Variants in RYR3 observed in about 807,000 individuals in gnomAD.
RYR3 encodes ryanodine receptor 3, also known as brain ryanodine receptor-calcium release channel.
In RYR3, 207 loss-of-function variants were observed where a neutral mutation model predicts 584.3. The ratio of observed to expected loss-of-function variants is 0.35; its 90% confidence interval spans 0.32 to 0.40. The LOEUF is 0.40. Ranked by LOEUF, RYR3 falls within the 10% of genes least tolerant of loss-of-function variation. The probability of loss-of-function intolerance (pLI) is 1.00; values close to 1 mark genes in which losing one functional copy is unlikely to be tolerated. For synonymous variants in RYR3, 2,416 were observed against 2,248.5 expected, an observed-to-expected ratio of 1.07 and a Z score of -2.11; for missense variants, 5,616 against 6,089.2, an observed-to-expected ratio of 0.92 and a Z score of 2.59.
At chr15:33,689,697 A>G (rs2065278432) in intron 38 of RYR3, among the ~76,000 whole-genome samples, 1 of 152,198 alleles carries the variant, frequency 6.6e-6, no homozygotes, top group Non-Finnish European at 1.5e-5. Flanking sequence ...GAAAAGAGGG[A>G]GATCTTATTG....
At position 33,425,679 on chromosome 15, in the gene RYR3, T is replaced by C. The variant is rs2044564262; in HGVS notation, c.52-47740T>C. Among the ~76,000 whole-genome samples, 4 of 142,884 alleles carry C rather than the reference T, an allele frequency of 2.8e-5. 1 individual carries two copies. The Admixed American group carries it at 2.8e-4, about 10-fold the overall frequency. 93.7% of individuals were successfully genotyped at this position (142,884 alleles called of 152,430 possible). ...TTTTTTGAGATGGAGTCTCGCTCTG[T>C]GGCCCAGGCTGGAGTGAATTGCCGT... On this transcript the variant is annotated intron_variant, in intron 1 of 103. Coordinates refer to ENST00000634891, the MANE Select transcript of RYR3 (RefSeq NM_001036.6).
intron 1 of RYR3, among the ~76,000 whole-genome samples, chr15:33,391,625 CAAAA>C (rs5811755): frequency 1.6e-5 from 2 of 128,336 alleles, no homozygotes; most frequent in Middle Eastern, 4.1e-3. Context: ...GACTCTGTCT[CAAAA>C]AAAAAAAAAA....
chr15:33,730,687 A>G (rs372422581), intron 47 of RYR3, among the ~76,000 whole-genome samples: 2 of 152,344 alleles, frequency 1.3e-5, no homozygotes, highest in Middle Eastern at 3.4e-3. Flanking sequence ...CGAAAGTTCT[A>G]TAGTTTTCAA....
intron 67 of RYR3, among the ~76,000 whole-genome samples, chr15:33,795,498 G>A (rs182916830): frequency 9.6e-5 from 14 of 146,386 alleles, no homozygotes; most frequent in Non-Finnish European, 1.9e-4. Flanking sequence ...GGGTTCAAGC[G>A]ATTCTCCTGC....
At chr15:33,528,385 A>C (rs1025541826) in intron 3 of RYR3, among the ~76,000 whole-genome samples, 1 of 152,124 alleles carries the variant, frequency 6.6e-6, no homozygotes, top group Admixed American at 6.5e-5. Context: ...CTTTGCCCAC[A>C]TGTGCTCCTC....
At chr15:33,314,847 G>A (rs1368135434) in intron 1 of RYR3, among the ~76,000 whole-genome samples, 1 of 152,120 alleles carries the variant, frequency 6.6e-6, no homozygotes, top group Non-Finnish European at 1.5e-5. Context: ...CCGGGAGGCG[G>A]AGCCTGCAGT....
At chr15:33,722,960 A>G in intron 44 of RYR3, 65 bp downstream of exon 44, 5 of 1,387,734 alleles carry the variant, frequency 3.6e-6, no homozygotes, top group Non-Finnish European at 4.9e-6. Context: ...TTATTGGTAT[A>G]CGGATGATTT....
chr15:33,749,619 C>T lies in RYR3; in HGVS notation c.8200-360C>T, dbSNP rs1043386479. Among the ~76,000 whole-genome samples, 7 of 152,088 alleles carry T rather than the reference C, an allele frequency of 4.6e-5. No homozygotes were observed. In the East Asian group the frequency reaches 5.8e-4, roughly 13 times the overall value. ...CGGGGGTTCTAGACTTTTCTTGGCC[C>T]GCACTCCCAACTCCCCGTCTGAGGT... On this transcript the variant is annotated intron_variant, in intron 55 of 103. Transcript: ENST00000634891.
intron 86 of RYR3, among the ~76,000 whole-genome samples, chr15:33,833,055 G>T (rs1385376644): frequency 6.6e-6 from 1 of 151,346 alleles, no homozygotes; most frequent in African/African-American, 2.4e-5. Context: ...ATAGGACCAC[G>T]TAGGCTATGG....
rs149087486 is a variant in RYR3 at position 33,400,189 on chromosome 15, G to A, written c.52-73230G>A. Among the ~76,000 whole-genome samples, 972 of 152,250 alleles carry A rather than the reference G, an allele frequency of 6.4e-3. 9 individuals carry two copies. Among genetic ancestry groups the A allele is most frequent in the African/African-American group, 0.02 (837 of 41,524 alleles). ...CCTTATATTTGTCAGAGTCAAGCAC[G>A]TTAATTCATATCCTAACACTATGGT... On this transcript the variant is annotated intron_variant, in intron 1 of 103. Transcript: ENST00000634891.
rs372145293 is a variant in RYR3 at position 33,756,405 on chromosome 15, T to G, written c.8583+32T>G. The G allele has an allele frequency of 1.4e-5, 20 of 1,463,658 alleles. No homozygotes were observed. The African/African-American group carries it at 1.4e-4, about 10-fold the overall frequency. 90.7% of individuals were successfully genotyped at this position (1,463,658 alleles called of 1,614,324 possible). A position where few individuals can be genotyped will look rare whatever the true frequency, so the allele number is the denominator to read the frequency against. ...GGCCCTGCACTTAATCAAATTACTT[T>G]CTTCTTAGGATCTCTACTATTTAGG... On this transcript the variant is annotated intron_variant, in intron 59 of 103. Transcript: ENST00000634891.
Position 33,699,758 on chromosome 15 carries a change from C to T in RYR3, c.6304C>T (p.Arg2102Ter). Residue 2102 changes from arginine to a stop codon, truncating the protein, a stop_gained, in exon 41 of 104, where the codon CGA becomes TGA. Transcript: ENST00000634891. LOFTEE classifies it high-confidence loss of function. Reference sequence around the variant, plus strand: ...CTGCCGTTTCCTTTGCTATTTCTGTCGAATTAGCCGGCAAAATCAGAAGGC... The same window carrying T: ...CTGCCGTTTCCTTTGCTATTTCTGTTGAATTAGCCGGCAAAATCAGAAGGC... Reference protein sequence around the residue: ...SCCRFLCYFCRISRQNQKAMF... With the variant: ...SCCRFLCYFC 1.2e-6 allele frequency: 2 copies of T among 1,613,580 alleles called. No individual in the cohort carries two copies. Among genetic ancestry groups the T allele is most frequent in the Non-Finnish European group, 1.7e-6 (2 of 1,179,630 alleles).
chr15:33,311,568 G>A lies in RYR3; in HGVS notation c.51+472G>A, dbSNP rs11639392. 1.3e-5 allele frequency among the ~76,000 whole-genome samples: 2 copies of A among 152,152 alleles called. No individual in the cohort carries two copies. Among genetic ancestry groups the A allele is most frequent in the Non-Finnish European group, 2.9e-5 (2 of 68,010 alleles). ...CTCCGGGAAGGAGCCAGCGGGGCAGGGGGGAGTGTGGGGAGCCGGGTCGGA... is the reference window on the plus strand; with the variant it reads ...CTCCGGGAAGGAGCCAGCGGGGCAGAGGGGAGTGTGGGGAGCCGGGTCGGA... On this transcript the variant is annotated intron_variant, in intron 1 of 103. Coordinates refer to ENST00000634891, the MANE Select transcript of RYR3 (RefSeq NM_001036.6). The surrounding 1 kb of genome is among the most constrained non-coding windows in gnomAD (Gnocchi z 4.4).
intron 55 of RYR3, among the ~76,000 whole-genome samples, chr15:33,749,392 G>T (rs1051717572): frequency 2.6e-5 from 4 of 152,148 alleles, no homozygotes; most frequent in Non-Finnish European, 5.9e-5. Flanking sequence ...GCTGTGGCCT[G>T]CCCTAGCCTG....
chr15:33,845,509 C>G (rs1336824106), intron 93 of RYR3, among the ~76,000 whole-genome samples: 1 of 152,198 alleles, frequency 6.6e-6, no homozygotes, highest in Non-Finnish European at 1.5e-5. Flanking sequence ...CTGCCTCGGC[C>G]TCCCACAGTG....
chr15:33,428,181 C>A (rs940498634), intron 1 of RYR3, among the ~76,000 whole-genome samples: 14 of 152,188 alleles, frequency 9.2e-5, no homozygotes, highest in African/African-American at 3.4e-4. Flanking sequence ...TATTGTTCAT[C>A]ATATAGATGG....
At chr15:33,512,390 T>A (rs1288423444) in intron 3 of RYR3, among the ~76,000 whole-genome samples, 3 of 152,240 alleles carry the variant, frequency 2.0e-5, no homozygotes, top group Non-Finnish European at 4.4e-5. Flanking sequence ...ACTAGCTTTT[T>A]ACATTTCTTC....
chr15:33,580,112 C>T lies in RYR3; in HGVS notation c.1405C>T (p.Leu469Phe). The change falls in exon 13 of 104, where the codon CTC becomes TTC. Residue 469 changes from leucine to phenylalanine, a missense_variant. Leu to Phe is a conservative substitution (Grantham distance 22). Transcript: ENST00000634891. Reference sequence around the variant, plus strand: ...AGACAAGCAGAACAAGCTCCGCTCACTCAAAAACAGACAAAATCTTTTCAA... The same window carrying T: ...AGACAAGCAGAACAAGCTCCGCTCATTCAAAAACAGACAAAATCTTTTCAA... Reference protein sequence around the residue: ...HEDKQNKLRSLKNRQNLFKEE... With the variant: ...HEDKQNKLRSFKNRQNLFKEE... 1 of 1,609,404 alleles carries T rather than the reference C, an allele frequency of 6.2e-7. No individual in the cohort carries two copies. Among genetic ancestry groups the T allele is most frequent in the Non-Finnish European group, 8.5e-7 (1 of 1,178,326 alleles).
intron 1 of RYR3, among the ~76,000 whole-genome samples, chr15:33,364,307 C>T (rs937426774): frequency 7.9e-5 from 12 of 152,184 alleles, no homozygotes; most frequent in East Asian, 1.9e-4. Context: ...CCATCACAAA[C>T]CTGTTCACTC....
Sources: gnomAD v4.1 joint callset for allele counts (sites outside exome capture counted in the v4.1 genomes callset) on GRCh38, gnomAD v4.1.1 for gene constraint, Gnocchi (gnomAD v3.1) non-coding constraint, MANE v1.5 for transcripts, NCBI Gene and HGNC (gene_info 2026-07-23, HGNC 2026-07-21) for gene names.